ERICH1: variants seen among roughly 807,000 people sequenced by gnomAD.
The protein encoded by ERICH1 is glutamate-rich protein 1.
A neutral mutation model predicts 39.6 loss-of-function variants in ERICH1; 56 were observed. The observed-to-expected ratio is 1.41, with a 90% confidence interval of 1.14 to 1.77. The LOEUF is 1.77. Ranked by LOEUF, ERICH1 falls within the 40% of genes most tolerant of loss-of-function variation. The probability of loss-of-function intolerance (pLI) is 0.00; values close to 1 mark genes in which losing one functional copy is unlikely to be tolerated. For missense variants in ERICH1, 826 were observed against 575.4 expected (o/e 1.44, Z -4.45); for synonymous variants, 313 against 223.6 (o/e 1.40, Z -3.57).
intron 3 of ERICH1, chr8:656,817 A>C: frequency 1.0e-6 from 1 of 985,350 alleles, no homozygotes; most frequent in Non-Finnish European, 1.2e-6. Context: ...GGACTCCCTC[A>C]CTCTGAAGAG....
At chr8:621,336 C>A (rs1584933619) in intron 3 of ERICH1, among the ~76,000 whole-genome samples, 2 of 152,056 alleles carry the variant, frequency 1.3e-5, no homozygotes, top group Admixed American at 1.3e-4. Flanking sequence ...AAATCAATAA[C>A]CTTTCTACCT....
intron 3 of ERICH1, among the ~76,000 whole-genome samples, chr8:686,288 AAGCAGTGTAAGGAT>A (rs1807349700): frequency 6.6e-6 from 1 of 152,234 alleles, no homozygotes; most frequent in Non-Finnish European, 1.5e-5. Flanking sequence ...TTCAAGCTAA[AAGCAGTGTAAGGAT>A]ACACCACTAT....
chr8:717,879 G>A (rs1236791796), intron 1 of ERICH1, among the ~76,000 whole-genome samples: 1 of 152,254 alleles, frequency 6.6e-6, no homozygotes, highest in Non-Finnish European at 1.5e-5. Context: ...CAGTCCCAGG[G>A]ACGGGGGCAG....
intron 2 of ERICH1, among the ~76,000 whole-genome samples, chr8:699,120 A>AC (rs879403087): frequency 6.8e-6 from 1 of 146,908 alleles, no homozygotes; most frequent in African/African-American, 2.5e-5. Context: ...GTCTCAAAAA[A>AC]CCCCCCAAAC....
At chr8:670,399 C>T (rs966945943) in intron 4 of ERICH1, among the ~76,000 whole-genome samples, 1 of 152,022 alleles carries the variant, frequency 6.6e-6, no homozygotes, top group Admixed American at 6.6e-5. Context: ...TGTTGCTGAA[C>T]GCATAGGAAA....
intron 3 of ERICH1, among the ~76,000 whole-genome samples, chr8:644,630 G>A (rs1430082783): frequency 2.9e-5 from 2 of 68,958 alleles, no homozygotes; most frequent in Admixed American, 1.3e-4. Flanking sequence ...GGACCCCAGC[G>A]CCTTCCAGGA....
chr8:731,179 A>ACCTCAGACCACGGCGCGCGGT lies in ERICH1; in HGVS notation c.-39_-19dup, dbSNP rs1321663605. 5 of 1,498,940 alleles carry ACCTCAGACCACGGCGCGCGGT rather than the reference A, an allele frequency of 3.3e-6. No homozygotes were observed. The Admixed American group carries it at 1.1e-4, about 32-fold the overall frequency. The allele number at this position is 1,498,940 out of a possible 1,614,324, so 92.9% of individuals were successfully genotyped here. On this transcript the variant is annotated 5_prime_UTR_variant, in exon 1 of 6. Coordinates refer to ENST00000262109, the MANE Select transcript of ERICH1 (RefSeq NM_207332.3). ...GCCGCCATGCGGGACCCTGCCGCGG[A>ACCTCAGACCACGGCGCGCGGT]CCTCAGACCACGGCGCGCGGTCCTG...
chr8:693,282 G>T (rs1333249303), intron 2 of ERICH1, among the ~76,000 whole-genome samples: 1 of 152,110 alleles, frequency 6.6e-6, no homozygotes. Flanking sequence ...ATCTTCAGGA[G>T]ATCGTGTCAC....
At chr8:705,252 C>A (rs1049098054) in intron 2 of ERICH1, among the ~76,000 whole-genome samples, 2 of 152,262 alleles carry the variant, frequency 1.3e-5, no homozygotes, top group East Asian at 1.9e-4. Flanking sequence ...CTGTCCCTCA[C>A]AGAGCGCCAC....
intron 3 of ERICH1, among the ~76,000 whole-genome samples, chr8:633,435 C>T (rs932901925): frequency 4.6e-5 from 7 of 152,124 alleles, no homozygotes; most frequent in South Asian, 2.1e-4. Flanking sequence ...AAGAAAAGGG[C>T]CCCCAAAGTA....
In ERICH1 at chr8:699,537, C is replaced by G. The variant is rs545385580; in HGVS notation, c.170-6925G>C. On this transcript the variant is annotated intron_variant, in intron 2 of 5. Coordinates refer to ENST00000262109, the MANE Select transcript of ERICH1 (RefSeq NM_207332.3). Reference sequence around the variant, plus strand: ...AGACCCTCCCCACCCCTCAGGGTGACGGCGACTCACAAAAGCAGGCGTTCC... The same window carrying G: ...AGACCCTCCCCACCCCTCAGGGTGAGGGCGACTCACAAAAGCAGGCGTTCC... Among the ~76,000 whole-genome samples, 23 of 152,310 alleles carry G rather than the reference C, an allele frequency of 1.5e-4. No individual in the cohort carries two copies. In the South Asian group the frequency reaches 2.7e-3, roughly 18 times the overall value.
chr8:629,404 G>C (rs1335354670), intron 3 of ERICH1, among the ~76,000 whole-genome samples: 3 of 141,166 alleles, frequency 2.1e-5, no homozygotes, highest in African/African-American at 5.1e-5. Flanking sequence ...CACACACACA[G>C]AGCTGACTCA....
intron 3 of ERICH1, among the ~76,000 whole-genome samples, chr8:643,526 G>T (rs1214412327): frequency 6.6e-6 from 1 of 151,872 alleles, no homozygotes; most frequent in Admixed American, 6.5e-5. Flanking sequence ...CTGGGCCGAA[G>T]CCCCGCCCCT....
chr8:697,168 G>A (rs983543834), intron 2 of ERICH1, among the ~76,000 whole-genome samples: 7 of 152,210 alleles, frequency 4.6e-5, no homozygotes, highest in African/African-American at 9.6e-5. Context: ...ATCCAGCAGC[G>A]AACTCTCGTG....
At chr8:722,430 CT>C (rs1212499669) in intron 1 of ERICH1, among the ~76,000 whole-genome samples, 1 of 152,192 alleles carries the variant, frequency 6.6e-6, no homozygotes, top group Admixed American at 6.5e-5. Context: ...GAAAGGACTG[CT>C]GCCTACACTT....
chr8:664,001 C>T (rs934295996), downstream of ERICH1, among the ~76,000 whole-genome samples: 5 of 152,128 alleles, frequency 3.3e-5, no homozygotes, highest in Admixed American at 1.3e-4. Flanking sequence ...CGTTGTGATC[C>T]GCCTGCCTCG....
intron 3 of ERICH1, among the ~76,000 whole-genome samples, chr8:619,924 A>T (rs1797174854): frequency 6.6e-6 from 1 of 152,234 alleles, no homozygotes; most frequent in South Asian, 2.1e-4. Flanking sequence ...TACAGTAAAA[A>T]TGTCATTTAA....
chr8:687,374 G>T (rs949906385), intron 3 of ERICH1, among the ~76,000 whole-genome samples: 11 of 152,206 alleles, frequency 7.2e-5, no homozygotes, highest in Non-Finnish European at 1.3e-4. Flanking sequence ...AATTCCACCA[G>T]GCGCCAGGAT....
At chr8:626,540 C>G (rs1241152845) in intron 3 of ERICH1, 1 of 155,156 alleles carries the variant, frequency 6.4e-6, no homozygotes, top group African/African-American at 2.4e-5. Context: ...AGACAGAGCT[C>G]CCCGGGACAA....
Sources: allele counts gnomAD v4.1 joint callset (sites outside exome capture counted in the v4.1 genomes callset), GRCh38; gene constraint gnomAD v4.1.1; transcripts MANE v1.5; gene names NCBI Gene and HGNC (gene_info 2026-07-23, HGNC 2026-07-21).